The following USP12 variants were observed in gnomAD, a reference collection of about 807,000 sequenced individuals.
USP12 encodes the protein ubiquitin specific peptidase 12, also known as ubiquitin carboxyl-terminal hydrolase 12.
A neutral mutation model predicts 45.5 loss-of-function variants in USP12; 19 were observed. That is an observed-to-expected ratio of 0.42 (90% confidence interval 0.29 to 0.61). USP12 has a LOEUF of 0.61. Among genes scored for constraint, USP12 ranks in the 20% least tolerant of loss-of-function variants. USP12 has a pLI of 0.22. For missense variants in USP12, 242 were observed against 447.7 expected (o/e 0.54, Z 4.15); for synonymous variants, 149 against 148.8 (o/e 1.00, Z -0.01).
chr13:27,168,632 A>AT (rs1350598449), intron 1 of USP12, among the ~76,000 whole-genome samples: 1 of 152,222 alleles, frequency 6.6e-6, no homozygotes, highest in Non-Finnish European at 1.5e-5. Flanking sequence ...TCATAGACAA[A>AT]TTAAAAACAG....
At chr13:27,170,380 G>C (rs533425691) in intron 1 of USP12, 5 of 398,420 alleles carry the variant, frequency 1.3e-5, no homozygotes, top group African/African-American at 6.2e-5. Context: ...AAATTTCTTG[G>C]GGATCTCCTA....
intron 1 of USP12, among the ~76,000 whole-genome samples, chr13:27,123,153 T>C (rs958981812): frequency 6.6e-6 from 1 of 152,136 alleles, no homozygotes; most frequent in Non-Finnish European, 1.5e-5. Context: ...ATTACAGAAC[T>C]GCTGTAGAGA....
chr13:27,075,756 G>A (rs913848631), intron 6 of USP12, among the ~76,000 whole-genome samples: 6 of 151,964 alleles, frequency 3.9e-5, no homozygotes, highest in South Asian at 2.1e-4. Flanking sequence ...AAGGCCAGGC[G>A]CGGTGGCTCA....
intron 1 of USP12, among the ~76,000 whole-genome samples, chr13:27,161,538 C>A (rs913375912): frequency 1.3e-5 from 2 of 150,398 alleles, no homozygotes; most frequent in Non-Finnish European, 3.0e-5. Context: ...TAATTTTATA[C>A]CTTTAAAAAA....
At chr13:27,108,088 G>GT (rs1875231267) in intron 2 of USP12, among the ~76,000 whole-genome samples, 1 of 152,142 alleles carries the variant, frequency 6.6e-6, no homozygotes, top group Non-Finnish European at 1.5e-5. Flanking sequence ...GCACACATAT[G>GT]TTTATTGCGG....
chr13:27,095,846 T>G lies in USP12; in HGVS notation c.344-16A>C, dbSNP rs897467355. On this transcript the variant is annotated splice_polypyrimidine_tract_variant and intron_variant, in intron 3 of 8. Coordinates refer to ENST00000282344, the MANE Select transcript of USP12 (RefSeq NM_182488.4). ...TCAAAAAGCTCTGAAAATAAAAACA[T>G]TATATTAGAGAATTATTTCAGAATT... The G allele has an allele frequency of 1.3e-6, 2 of 1,546,946 alleles. No homozygotes were observed. Among genetic ancestry groups the G allele is most frequent in the Admixed American group, 2.1e-5 (1 of 48,428 alleles).
At chr13:27,126,465 C>A (rs771362492) in intron 1 of USP12, among the ~76,000 whole-genome samples, 2 of 152,156 alleles carry the variant, frequency 1.3e-5, no homozygotes, top group African/African-American at 2.4e-5. Context: ...TTGACTCTTT[C>A]TTTAGGGGTA....
chr13:27,092,611 C>T (rs1874369749), intron 4 of USP12, among the ~76,000 whole-genome samples: 1 of 152,122 alleles, frequency 6.6e-6, no homozygotes, highest in Non-Finnish European at 1.5e-5. Flanking sequence ...GGCAATTCAA[C>T]AGAGAAAGAA....
intron 1 of USP12, among the ~76,000 whole-genome samples, chr13:27,166,070 A>G (rs947111827): frequency 3.9e-5 from 6 of 152,146 alleles, no homozygotes; most frequent in Non-Finnish European, 8.8e-5. Flanking sequence ...ATCTAGTCCA[A>G]TCCCTTTATT....
chr13:27,099,336 C>T (rs1292597361), intron 3 of USP12, among the ~76,000 whole-genome samples: 1 of 152,170 alleles, frequency 6.6e-6, no homozygotes. Flanking sequence ...CGCTCCCTGT[C>T]ACTGCCTGTT....
chr13:27,084,276 G>A (rs1471283142), intron 6 of USP12, among the ~76,000 whole-genome samples: 1 of 151,164 alleles, frequency 6.6e-6, no homozygotes, highest in African/African-American at 2.4e-5. Flanking sequence ...GGGAGGCCAA[G>A]GCAGGCAGAT....
rs960845676 is a variant in USP12, at chr13:27,129,452, A to G, written c.49-12856T>C. ...CTAAAGCTATGCGTAGGCCAGGTGCAGTGGTTCATGCCCATAATACCAGCA... is the reference window on the plus strand; with the variant it reads ...CTAAAGCTATGCGTAGGCCAGGTGCGGTGGTTCATGCCCATAATACCAGCA... On this transcript the variant is annotated intron_variant, in intron 1 of 8. Coordinates refer to ENST00000282344, the MANE Select transcript of USP12 (RefSeq NM_182488.4). The surrounding 1 kb of genome is among the most constrained non-coding windows in gnomAD (Gnocchi z 4.0). Among the ~76,000 whole-genome samples, 1 of 152,250 alleles carries G rather than the reference A, an allele frequency of 6.6e-6. No homozygotes were observed. The highest frequency in any genetic ancestry group is 2.1e-4 in the South Asian group (1 of 4,836).
At chr13:27,168,809 T>C (rs1878460323) in intron 1 of USP12, 1 of 152,252 alleles carries the variant, frequency 6.6e-6, no homozygotes, top group Admixed American at 6.5e-5. Flanking sequence ...GAATTGTTTT[T>C]AACAGTTACT....
At chr13:27,118,116 A>G (rs949179629) in intron 1 of USP12, among the ~76,000 whole-genome samples, 1 of 151,196 alleles carries the variant, frequency 6.6e-6, no homozygotes, top group African/African-American at 2.4e-5. Flanking sequence ...CATATGGTCA[A>G]CAACGCACCA....
intron 1 of USP12, among the ~76,000 whole-genome samples, chr13:27,118,121 G>A (rs539228599): frequency 1.3e-5 from 2 of 151,406 alleles, no homozygotes; most frequent in Non-Finnish European, 2.9e-5. Flanking sequence ...GGTCAACAAC[G>A]CACCAGTACT....
At chr13:27,086,219 T>TGC (rs1164345168) in intron 6 of USP12, among the ~76,000 whole-genome samples, 14 of 135,600 alleles carry the variant, frequency 1.0e-4, no homozygotes, top group Admixed American at 2.3e-4. Context: ...TATATATATA[T>TGC]GCGCACATAT....
At chr13:27,116,743 G>A (rs1012582306) in intron 1 of USP12, 147 bp from the exon 2 acceptor site, 7 of 576,652 alleles carry the variant, frequency 1.2e-5, no homozygotes, top group African/African-American at 3.8e-5. Context: ...CCTTTACACC[G>A]TATTTTTAGC....
At chr13:27,086,189 A>ATAT (rs1378446137) in intron 6 of USP12, among the ~76,000 whole-genome samples, 1,551 of 81,418 alleles carry the variant, frequency 0.019, 16 homozygotes, top group African/African-American at 0.032. Flanking sequence ...AAAAAAAAAA[A>ATAT]AAAAAAAAAT....
At chr13:27,110,388 G>T (rs947444009) in intron 2 of USP12, among the ~76,000 whole-genome samples, 1 of 152,264 alleles carries the variant, frequency 6.6e-6, no homozygotes, top group Non-Finnish European at 1.5e-5. Context: ...ATAAAACAAA[G>T]CTCTGCTATG....
Sources: gnomAD v4.1 joint callset for allele counts (sites outside exome capture counted in the v4.1 genomes callset) on GRCh38, gnomAD v4.1.1 for gene constraint, Gnocchi (gnomAD v3.1) non-coding constraint, MANE v1.5 for transcripts, NCBI Gene and HGNC (gene_info 2026-07-23, HGNC 2026-07-21) for gene names.